Variants in RCAN2 observed in about 807,000 individuals in gnomAD.
RCAN2 encodes calcipressin-2.
RCAN2 carries 9 observed loss-of-function variants against 23.6 expected under a neutral mutation model. The observed-to-expected ratio is 0.38, with a 90% CI of 0.23 to 0.67. The LOEUF is 0.67. RCAN2 is among the 30% of genes least tolerant of loss of function. RCAN2 has a pLI of 0.51. For synonymous variants in RCAN2, 109 were observed against 115.7 expected (o/e 0.94, Z 0.37); for missense variants, 273 against 302.3 (o/e 0.90, Z 0.72).
At chr6:46,224,402 A>C (rs1002230942) in intron 4 of RCAN2, among the ~76,000 whole-genome samples, 14 of 152,154 alleles carry the variant, frequency 9.2e-5, no homozygotes, top group African/African-American at 3.4e-4. Context: ...ATCAAGTATA[A>C]ATTTTGTAGT....
At chr6:46,233,428 G>T (rs183747051) in intron 4 of RCAN2, among the ~76,000 whole-genome samples, 1 of 152,242 alleles carries the variant, frequency 6.6e-6, no homozygotes, top group Non-Finnish European at 1.5e-5. Context: ...AACACTGGTG[G>T]CCACTGTAGT....
intron 4 of RCAN2, among the ~76,000 whole-genome samples, chr6:46,228,941 A>G (rs1765776562): frequency 6.6e-6 from 1 of 152,118 alleles, no homozygotes; most frequent in African/African-American, 2.4e-5. Flanking sequence ...TGCTTCCTTC[A>G]GGAGCTCTTT....
intron 2 of RCAN2, among the ~76,000 whole-genome samples, chr6:46,401,146 C>T (rs944621046): frequency 3.9e-5 from 6 of 152,164 alleles, no homozygotes; most frequent in Non-Finnish European, 5.9e-5. Context: ...GTGGGTTGAA[C>T]ATTCTGGGAA....
chr6:46,342,726 G>A (rs932801889), intron 2 of RCAN2, among the ~76,000 whole-genome samples: 5 of 151,668 alleles, frequency 3.3e-5, no homozygotes, highest in Non-Finnish European at 5.9e-5. Context: ...CATCCTTGGT[G>A]TAGTTGTGGG....
At chr6:46,389,833 A>G (rs1430489077) in intron 2 of RCAN2, among the ~76,000 whole-genome samples, 1 of 152,172 alleles carries the variant, frequency 6.6e-6, no homozygotes, top group Non-Finnish European at 1.5e-5. Context: ...TGATGGAACA[A>G]TGTTTCAAGT....
chr6:46,297,376 G>C (rs1310714243), intron 2 of RCAN2, among the ~76,000 whole-genome samples: 4 of 152,096 alleles, frequency 2.6e-5, no homozygotes, highest in Non-Finnish European at 5.9e-5. Context: ...CTTAGTCCTG[G>C]TATGGTGAAA....
At chr6:46,360,258 C>T (rs1374515006) in intron 2 of RCAN2, among the ~76,000 whole-genome samples, 2 of 151,984 alleles carry the variant, frequency 1.3e-5, no homozygotes, top group Admixed American at 6.6e-5. Flanking sequence ...GTAGGCCGGG[C>T]GCTGTGGCTC....
At chr6:46,242,393 G>T (rs1278895506) in intron 4 of RCAN2, among the ~76,000 whole-genome samples, 7 of 152,158 alleles carry the variant, frequency 4.6e-5, no homozygotes, top group Non-Finnish European at 8.8e-5. Flanking sequence ...GCCTCTGGGG[G>T]CAGCCAGTCA....
intron 2 of RCAN2, among the ~76,000 whole-genome samples, chr6:46,441,558 T>C (rs1450487121): frequency 6.6e-6 from 1 of 152,174 alleles, no homozygotes; most frequent in Non-Finnish European, 1.5e-5. Context: ...GGGGGAAAGG[T>C]AGGTTTTGAA....
intron 2 of RCAN2, among the ~76,000 whole-genome samples, chr6:46,451,258 A>G (rs1767874648): frequency 6.6e-6 from 1 of 152,128 alleles, no homozygotes; most frequent in South Asian, 2.1e-4. Context: ...TATGTTTGGC[A>G]TTCTGAATTG....
chr6:46,258,966 C>A (rs1362671575), intron 2 of RCAN2, among the ~76,000 whole-genome samples: 1 of 152,022 alleles, frequency 6.6e-6, no homozygotes, highest in Non-Finnish European at 1.5e-5. Flanking sequence ...TATTATGTAA[C>A]CTGAAGATTT....
intron 2 of RCAN2, among the ~76,000 whole-genome samples, chr6:46,257,467 G>C (rs1464560558): frequency 6.6e-6 from 1 of 152,192 alleles, no homozygotes; most frequent in Non-Finnish European, 1.5e-5. Context: ...AGTTCCACAT[G>C]GCTGGGGAGG....
intron 2 of RCAN2, among the ~76,000 whole-genome samples, chr6:46,261,100 C>T (rs1006868719): frequency 2.0e-5 from 3 of 152,288 alleles, no homozygotes; most frequent in African/African-American, 2.4e-5. Context: ...TCTGTACAAA[C>T]GTCTGTGGCT....
intron 2 of RCAN2, among the ~76,000 whole-genome samples, chr6:46,440,759 G>C (rs530927141): frequency 7.2e-5 from 11 of 152,202 alleles, no homozygotes; most frequent in African/African-American, 2.6e-4. Context: ...TCCTCATAGT[G>C]AGAAAAAAAT....
intron 2 of RCAN2, among the ~76,000 whole-genome samples, chr6:46,269,112 C>T (rs983112601): frequency 1.3e-5 from 2 of 152,210 alleles, no homozygotes; most frequent in African/African-American, 4.8e-5. Flanking sequence ...TCTTCACACT[C>T]ATATTTAGAT....
At chr6:46,350,222 A>T (rs1239739487) in intron 2 of RCAN2, among the ~76,000 whole-genome samples, 1 of 152,244 alleles carries the variant, frequency 6.6e-6, no homozygotes, top group Non-Finnish European at 1.5e-5. Context: ...TTAATGCATG[A>T]ATGGAGCAGG....
At chr6:46,245,239 GAGT>G (rs1766473093) in intron 4 of RCAN2, among the ~76,000 whole-genome samples, 1 of 152,222 alleles carries the variant, frequency 6.6e-6, no homozygotes, top group African/African-American at 2.4e-5. Flanking sequence ...CTGAGAAGCT[GAGT>G]GATGTGATGG....
chr6:46,343,032 TAA>T (rs773288839), intron 2 of RCAN2, among the ~76,000 whole-genome samples: 2 of 152,140 alleles, frequency 1.3e-5, no homozygotes, highest in African/African-American at 2.4e-5. Flanking sequence ...TCAAATCGAT[TAA>T]AGATATTAAT....
At chr6:46,412,434 T>C (rs944483003) in intron 2 of RCAN2, among the ~76,000 whole-genome samples, 5 of 152,176 alleles carry the variant, frequency 3.3e-5, no homozygotes, top group African/African-American at 1.2e-4. Context: ...ATCATTGGCA[T>C]TGAGATGGCA....
Sources: allele counts gnomAD v4.1 joint callset (sites outside exome capture counted in the v4.1 genomes callset), GRCh38; gene constraint gnomAD v4.1.1; transcripts MANE v1.5; gene names NCBI Gene and HGNC (gene_info 2026-07-23, HGNC 2026-07-21).